MYO9A: variants seen among roughly 807,000 people sequenced by gnomAD.
MYO9A encodes myosin IXA.
MYO9A carries 103 observed loss-of-function variants against 293.3 expected under a neutral mutation model. The observed-to-expected ratio is 0.35, with a 90% CI of 0.30 to 0.41. The LOEUF is 0.41. MYO9A is among the 10% of genes least tolerant of loss of function. The pLI is 1.00. For synonymous variants in MYO9A, 1,001 were observed against 1,035.7 expected (o/e 0.97, Z 0.64); for missense variants, 2,685 against 3,033.0 (o/e 0.89, Z 2.69).
Position 72,045,790 on chromosome 15 carries a change from A to G in MYO9A, c.774T>C (p.Ala258=). The change falls in exon 2 of 42, where the codon GCT becomes GCC. Residue 258 remains alanine, a synonymous_variant. Coordinates refer to ENST00000356056, the MANE Select transcript of MYO9A (RefSeq NM_006901.4). ...STNFLIHHLT[A]LSQKGFASGV... ...CACTGGCAAATCCTTTCTGACTGAGAGCAGTAAGGTGGTGAATAAGAAAGT... is the reference window on the plus strand; with the variant it reads ...CACTGGCAAATCCTTTCTGACTGAGGGCAGTAAGGTGGTGAATAAGAAAGT... 1 of 1,614,112 alleles carries G rather than the reference A, an allele frequency of 6.2e-7. No individual in the cohort carries two copies. The highest frequency in any genetic ancestry group is 8.5e-7 in the Non-Finnish European group (1 of 1,179,976).
chr15:71,931,504 T>C (rs1253490352), intron 18 of MYO9A, among the ~76,000 whole-genome samples: 3 of 152,148 alleles, frequency 2.0e-5, no homozygotes, highest in South Asian at 4.1e-4. Flanking sequence ...TGCTTTTTCA[T>C]TGTTGCTTTT....
chr15:71,875,334 T>C (rs1038049691), intron 32 of MYO9A, among the ~76,000 whole-genome samples: 123 of 152,278 alleles, frequency 8.1e-4, no homozygotes, highest in African/African-American at 2.8e-3. Flanking sequence ...AAGAACCTCA[T>C]ACATGTCAGC....
chr15:71,875,871 TG>T, intron 31 of MYO9A, 33 bp from the exon 32 acceptor site: 1 of 1,228,722 alleles, frequency 8.1e-7, no homozygotes, highest in Non-Finnish European at 1.1e-6. Flanking sequence ...ATGGAAATTG[TG>T]ATAACAAAGA....
At chr15:71,883,824 CTATG>C (rs1458459191) in intron 27 of MYO9A, 88 bp from the exon 28 acceptor site, 1 of 1,175,122 alleles carries the variant, frequency 8.5e-7, no homozygotes, top group East Asian at 2.5e-5. Context: ...TACAAATCTT[CTATG>C]TATATTAGCT....
chr15:72,073,970 G>A (rs1219879698), intron 1 of MYO9A, among the ~76,000 whole-genome samples: 1 of 152,292 alleles, frequency 6.6e-6, no homozygotes, highest in South Asian at 2.1e-4. Flanking sequence ...CAGACTGTAA[G>A]TATTTTAGGT....
In MYO9A at chr15:72,117,857, T is replaced by A; in HGVS notation, c.-249A>T. The A allele has an allele frequency of 2.5e-6, 1 of 398,214 alleles. No homozygotes were observed. 24.7% of individuals were successfully genotyped at this position (398,214 alleles called of 1,614,324 possible). A position where few individuals can be genotyped will look rare whatever the true frequency, so the allele number is the denominator to read the frequency against. ...GGTCCGGGCGAGCGGCCGCGGCGCA[T>A]CCCCCGCCCTGTCAGAGAGACTCCG... is the stretch of plus-strand genomic sequence containing the variant. On this transcript the variant is annotated 5_prime_UTR_variant, in exon 1 of 42. It removes an upstream start codon present in the reference 5' UTR. Coordinates refer to ENST00000356056, the MANE Select transcript of MYO9A (RefSeq NM_006901.4).
intron 1 of MYO9A, among the ~76,000 whole-genome samples, chr15:72,105,122 A>G (rs1471678503): frequency 2.0e-5 from 3 of 152,228 alleles, no homozygotes; most frequent in East Asian, 3.8e-4. Context: ...CAACAACAAC[A>G]AAACAGAACA....
chr15:72,103,262 C>A (rs1285027958), intron 1 of MYO9A, among the ~76,000 whole-genome samples: 1 of 143,366 alleles, frequency 7.0e-6, no homozygotes, highest in Non-Finnish European at 1.5e-5. Flanking sequence ...GAAGGAGAAG[C>A]AGAGGCAGCA....
intron 12 of MYO9A, 39 bp downstream of exon 12, chr15:71,978,132 A>T (rs200285997): frequency 1.3e-4 from 203 of 1,605,146 alleles, no homozygotes; most frequent in Non-Finnish European, 5.8e-5. Context: ...ATAAAAAGCC[A>T]AAACAGCCAA....
intron 12 of MYO9A, among the ~76,000 whole-genome samples, chr15:71,976,043 T>C (rs1015589338): frequency 3.7e-4 from 56 of 152,278 alleles, no homozygotes; most frequent in African/African-American, 1.3e-3. Flanking sequence ...AAGGAGAACC[T>C]GGTTGGTCAG....
chr15:72,086,203 G>A lies in MYO9A; in HGVS notation c.-72+31477C>T, dbSNP rs138708042. ...CCAGAGTGTCAGCCTCAGTGTGGGC[G>A]TTTGTAGCAGTGGTACAGGCAGCAT... On this transcript the variant is annotated intron_variant, in intron 1 of 41. Coordinates refer to ENST00000356056, the MANE Select transcript of MYO9A (RefSeq NM_006901.4). Among the ~76,000 whole-genome samples the A allele has an allele frequency of 3.2e-3, 480 of 152,348 alleles. 2 individuals carry two copies. The highest frequency in any genetic ancestry group is 4.7e-3 in the African/African-American group (197 of 41,586).
intron 33 of MYO9A, among the ~76,000 whole-genome samples, 155 bp downstream of exon 33, chr15:71,862,345 G>C (rs1009196922): frequency 6.6e-6 from 1 of 152,150 alleles, no homozygotes; most frequent in Non-Finnish European, 1.5e-5. Context: ...ATCTGGTTTA[G>C]AGACAAAGAG....
At chr15:72,009,681 G>C in intron 7 of MYO9A, among the ~76,000 whole-genome samples, 1 of 151,960 alleles carries the variant, frequency 6.6e-6, no homozygotes, top group Non-Finnish European at 1.5e-5. Flanking sequence ...CTGGGTGACA[G>C]AGTGAGATGC....
intron 2 of MYO9A, chr15:72,041,383 G>A (rs960431572): frequency 1.1e-5 from 5 of 464,158 alleles, no homozygotes; most frequent in African/African-American, 8.1e-5. Context: ...CATATCAGTT[G>A]ATAATCATGT....
At chr15:72,112,076 A>C (rs949951369) in intron 1 of MYO9A, among the ~76,000 whole-genome samples, 2 of 152,232 alleles carry the variant, frequency 1.3e-5, no homozygotes, top group Non-Finnish European at 2.9e-5. Flanking sequence ...TTTAAGATTC[A>C]CAGATATAAA....
intron 32 of MYO9A, among the ~76,000 whole-genome samples, chr15:71,869,721 C>G (rs1410701012): frequency 6.6e-6 from 1 of 151,992 alleles, no homozygotes; most frequent in Non-Finnish European, 1.5e-5. Flanking sequence ...AAGAACTGAT[C>G]CAGGACAGTG....
chr15:71,972,361 A>G (rs2076033716), intron 12 of MYO9A: 1 of 147,762 alleles, frequency 6.8e-6, no homozygotes. Flanking sequence ...GGTAAATGTA[A>G]GTAAGTGTTT....
chr15:72,017,295 G>A (rs2077374053), intron 6 of MYO9A, among the ~76,000 whole-genome samples: 1 of 152,028 alleles, frequency 6.6e-6, no homozygotes, highest in Admixed American at 6.6e-5. Context: ...TTACAGGCGT[G>A]AGCCACTACT....
In MYO9A at chr15:71,854,420, A is replaced by G. The variant is rs1229819032; in HGVS notation, c.6303T>C (p.Gly2101=). 1 of 1,607,448 alleles carries G rather than the reference A, an allele frequency of 6.2e-7. No homozygotes were observed. Among genetic ancestry groups the G allele is most frequent in the Non-Finnish European group, 8.5e-7 (1 of 1,177,412 alleles). ...LYTEGIYRKS[G]STNKIKELRQ... ...GAAGCTCCTTGATTTTATTAGTCGAACCAGACTTTCGATAAATACCTTCTG... is the reference window on the plus strand; with the variant it reads ...GAAGCTCCTTGATTTTATTAGTCGAGCCAGACTTTCGATAAATACCTTCTG... The change falls in exon 35 of 42, where the codon GGT becomes GGC. Residue 2101 remains glycine, a synonymous_variant. Transcript: ENST00000356056.
Sources: allele counts gnomAD v4.1 joint callset (sites outside exome capture counted in the v4.1 genomes callset), GRCh38; gene constraint gnomAD v4.1.1; transcripts MANE v1.5; gene names NCBI Gene and HGNC (gene_info 2026-07-23, HGNC 2026-07-21).